LILRB5: variants seen among roughly 807,000 people sequenced by gnomAD.
The protein encoded by LILRB5 is leukocyte immunoglobulin like receptor B5.
LILRB5 carries 61 observed loss-of-function variants against 68.4 expected under a neutral mutation model. That is an observed-to-expected ratio of 0.89 (90% CI 0.73 to 1.10). LILRB5 has a LOEUF of 1.10. Ranked by LOEUF, LILRB5 falls within the 50% of genes least tolerant of loss-of-function variation. The pLI is 0.00. For missense variants in LILRB5, 771 were observed against 751.6 expected (o/e 1.03, Z -0.30); for synonymous variants, 356 against 315.8 (o/e 1.13, Z -1.35).
chr19:54,256,769 G>A lies in LILRB5; in HGVS notation c.75C>T (p.Thr25=). ...VGPRTCVQAG[T]LPKPTLWAEP... ...CAGCCCAGAGGGTGGGTTTGGGGAG[G>A]GTGCCTAGAATGGAATCAGAGGCTG... Residue 25 remains threonine (T), a synonymous_variant, in exon 3 of 13, where the codon ACC becomes ACT. Coordinates refer to ENST00000449561, the MANE Select transcript of LILRB5 (RefSeq NM_001081442.3). 1.9e-6 allele frequency: 3 copies of A among 1,613,706 alleles called. No individual in the cohort carries two copies. Among genetic ancestry groups the A allele is most frequent in the Non-Finnish European group, 1.7e-6 (2 of 1,179,930 alleles).
At chr19:54,253,747 A>G (rs2079031362) in intron 8 of LILRB5, 11 of 1,223,312 alleles carry the variant, frequency 9.0e-6, no homozygotes, top group Admixed American at 2.1e-5. Context: ...GGAGCCCCGG[A>G]GCTGCAGGGA....
intron 6 of LILRB5, 37 bp downstream of exon 6, chr19:54,254,698 C>T: frequency 1.2e-6 from 2 of 1,611,088 alleles, no homozygotes. Context: ...CTGAGCTGAG[C>T]CTTTGAGCTT....
Position 54,255,191 on chromosome 19 carries a change from A to AC in LILRB5, c.952+94dup, listed in dbSNP as rs373746087. 1.0e-3 allele frequency: 1,324 copies of AC among 1,282,716 alleles called. 5 individuals are homozygous for AC. Among genetic ancestry groups the AC allele is most frequent in the South Asian group, 4.9e-3 (272 of 55,398 alleles). The allele number at this position is 1,282,716 out of a possible 1,614,324, so 79.5% of individuals were successfully genotyped here. On this transcript the variant is annotated intron_variant, in intron 5 of 12. Coordinates refer to ENST00000449561, the MANE Select transcript of LILRB5 (RefSeq NM_001081442.3). ...GTCTGTCTCTCCCTCCCTTGGGACC[A>AC]CCCCCCCGCCTCATCCCGGCCATCA...
intron 4 of LILRB5, 187 bp from the exon 5 acceptor site, chr19:54,255,769 T>C (rs2079120160): frequency 5.2e-6 from 4 of 775,626 alleles, no homozygotes; most frequent in Non-Finnish European, 8.2e-6. Context: ...CTCTGACTCC[T>C]GGCCACTGTC....
Position 54,255,538 on chromosome 19 carries a change from C to G in LILRB5, c.700G>C (p.Val234Leu). 6.2e-7 allele frequency: 1 copy of G among 1,613,980 alleles called. No homozygotes were observed. The highest frequency in any genetic ancestry group is 8.5e-7 in the Non-Finnish European group (1 of 1,179,942). The change falls in exon 5 of 13, where the codon GTG becomes CTG. Residue 234 changes from valine (V) to leucine (L), a missense_variant. Coordinates refer to ENST00000449561, the MANE Select transcript of LILRB5 (RefSeq NM_001081442.3). ...AGGGTCAGGCTGCCTCCGCGGGCCA[C>G]GACAGAGCCCTGCGGGATCAGGAGG... ...PSLLIPQGSV[V>L]ARGGSLTLQC...
At chr19:54,251,604 C>T (rs1601018378) in intron 12 of LILRB5, 1 of 577,758 alleles carries the variant, frequency 1.7e-6, no homozygotes, top group Non-Finnish European at 3.4e-6. Context: ...CACTCCTGGA[C>T]ACGATGCATT....
chr19:54,254,185 C>T (rs987986307), intron 7 of LILRB5, 117 bp from the exon 8 acceptor site: 1 of 1,507,412 alleles, frequency 6.6e-7, no homozygotes, highest in Middle Eastern at 1.8e-4. Flanking sequence ...CGACGCCCGC[C>T]CCCTCACCGG....
intron 7 of LILRB5, 71 bp downstream of exon 7, chr19:54,254,294 C>T (rs1236711315): frequency 6.6e-7 from 1 of 1,516,650 alleles, no homozygotes; most frequent in Non-Finnish European, 8.9e-7. Context: ...GGAATAGGAT[C>T]CTCGGGGAGA....
rs1483914752 is a variant in LILRB5 at position 54,256,072 on chromosome 19, G to A, written c.626C>T (p.Pro209Leu). 6.4e-7 allele frequency: 1 copy of A among 1,556,858 alleles called. No individual in the cohort carries two copies. Among genetic ancestry groups the A allele is most frequent in the Non-Finnish European group, 8.7e-7 (1 of 1,154,546 alleles). ...GACCAGAATCTCCAGGAGGTCACTG[G>A]GGTTCGACCACACCTGAGGGTTTTT... ...YRKNPQVWSN[P>L]SDLLEILVPG... The change falls in exon 4 of 13, where the codon CCC becomes CTC. Residue 209 changes from proline (P) to leucine (L), a missense_variant. Physicochemically the swap from Pro to Leu is moderately conservative, Grantham distance 98. Transcript: ENST00000449561.
At chr19:54,255,844 T>C in intron 4 of LILRB5, 199 bp downstream of exon 4, 1 of 650,900 alleles carries the variant, frequency 1.5e-6, no homozygotes, top group Non-Finnish European at 2.6e-6. Context: ...ATTGCCTTCC[T>C]GAGTCGACCC....
chr19:54,252,355 T>G lies in LILRB5; in HGVS notation c.1576+11A>C, dbSNP rs2078985690. 6.2e-7 allele frequency: 1 copy of G among 1,613,600 alleles called. No individual in the cohort carries two copies. Among genetic ancestry groups the G allele is most frequent in the African/African-American group, 1.3e-5 (1 of 74,898 alleles). On this transcript the variant is annotated intron_variant, in intron 11 of 12. Coordinates refer to ENST00000449561, the MANE Select transcript of LILRB5 (RefSeq NM_001081442.3). ...GCCCACCCCAGGTGCCCTCCGCTTC[T>G]AGTCACTCACTGAGAATTTCCTCCT...
chr19:54,256,384 C>G (rs749382785), intron 3 of LILRB5, 42 bp from the exon 4 acceptor site: 4 of 1,586,598 alleles, frequency 2.5e-6, no homozygotes, highest in Non-Finnish European at 3.4e-6. Flanking sequence ...GCTCCGACCT[C>G]CCACATCATC....
Position 54,254,413 on chromosome 19 carries a change from G to C in LILRB5, c.1258C>G (p.Pro420Ala). ...GGTGAGAGGCTGGGATCCCCAGAGG[G>C]TCCTGGGAATAAGCACAGAAAGGGA... ...SYPQELVVSG[P>A]SGDPSLSPTG... The change falls in exon 7 of 13, where the codon CCC (proline) becomes GCC (alanine). Residue 420 changes from proline to alanine, a missense_variant and splice_region_variant. Pro to Ala is a conservative substitution (Grantham distance 27, BLOSUM62 -1). Coordinates refer to ENST00000449561, the MANE Select transcript of LILRB5 (RefSeq NM_001081442.3). The C allele has an allele frequency of 1.3e-6, 2 of 1,583,880 alleles. No individual in the cohort carries two copies. Among genetic ancestry groups the C allele is most frequent in the Non-Finnish European group, 1.7e-6 (2 of 1,165,072 alleles).
At chr19:54,254,448 T>G in intron 6 of LILRB5, 33 bp from the exon 7 acceptor site, 2 of 1,558,100 alleles carry the variant, frequency 1.3e-6, no homozygotes, top group Non-Finnish European at 1.7e-6. Flanking sequence ...AGCGAGGCGC[T>G]TTGGTGCTGA....
At chr19:54,253,728 C>T in intron 8 of LILRB5, 1 of 1,107,500 alleles carries the variant, frequency 9.0e-7, no homozygotes, top group Non-Finnish European at 1.3e-6. Flanking sequence ...TTGTTCTCTG[C>T]ACCTGAGCGG....
Position 54,252,324 on chromosome 19 carries a change from T to C in LILRB5, c.1576+42A>G, listed in dbSNP as rs3859536. On this transcript the variant is annotated intron_variant, in intron 11 of 12. Transcript: ENST00000449561. ...CCCATTGCTACAGAAACTTTGGTGC[T>C]CCCTTGCCCACCCCAGGTGCCCTCC... 9,086 of 1,607,176 alleles carry C rather than the reference T, an allele frequency of 5.7e-3. 127 individuals are homozygous for C. The highest frequency in any genetic ancestry group is 0.04 in the African/African-American group (2,975 of 74,870).
Position 54,252,900 on chromosome 19 carries a change from T to A in LILRB5, c.1445A>T (p.His482Leu), listed in dbSNP as rs1315048351. Residue 482 changes from histidine (H) to leucine (L), a missense_variant, in exon 9 of 13, where the codon CAT becomes CTT. Physicochemically the swap from His to Leu is moderately conservative, Grantham distance 99. Coordinates refer to ENST00000449561, the MANE Select transcript of LILRB5 (RefSeq NM_001081442.3). ...LFLLLFLLLR[H>L]RHQSKHRTSA... is the part of the protein sequence containing the mutation. Reference sequence around the variant, plus strand: ...TGTCCTGTGTTTGCTCTGATGCCGATGTCGGAGGAGGAGGAAGAGGAGGAG... The same window carrying A: ...TGTCCTGTGTTTGCTCTGATGCCGAAGTCGGAGGAGGAGGAAGAGGAGGAG... 1 of 1,596,506 alleles carries A rather than the reference T, an allele frequency of 6.3e-7. No homozygotes were observed. The highest frequency in any genetic ancestry group is 1.1e-5 in the South Asian group (1 of 90,888).
intron 1 of LILRB5, 53 bp from the exon 2 acceptor site, chr19:54,257,049 T>G (rs1031024292): frequency 6.2e-7 from 1 of 1,613,970 alleles, no homozygotes; most frequent in Non-Finnish European, 8.5e-7. Flanking sequence ...CAGCAGTTCC[T>G]CTCCTCCCTC....
intron 4 of LILRB5, 150 bp downstream of exon 4, chr19:54,255,893 C>A: frequency 2.8e-6 from 2 of 703,360 alleles, no homozygotes; most frequent in Non-Finnish European, 2.3e-6. Context: ...GTTTCCCCAT[C>A]TGAGCCTCCC....
Sources: gnomAD v4.1 joint callset for allele counts on GRCh38, gnomAD v4.1.1 for gene constraint, MANE v1.5 for transcripts, NCBI Gene and HGNC (gene_info 2026-07-23, HGNC 2026-07-21) for gene names.